The following PCDH15 variants were observed in gnomAD, a reference collection of about 807,000 sequenced individuals.
PCDH15 encodes the protein protocadherin-15.
In PCDH15, 129 loss-of-function variants were observed where a neutral mutation model predicts 178.5. That is an observed-to-expected ratio of 0.72 (90% confidence interval 0.63 to 0.84). The LOEUF is 0.84. Among genes scored for constraint, PCDH15 ranks in the 40% least tolerant of loss-of-function variants. The pLI, the probability that PCDH15 is intolerant of heterozygous loss-of-function variation, is 0.00. For missense variants in PCDH15, 2,230 were observed against 2,099.9 expected (o/e 1.06, Z -1.21); for synonymous variants, 800 against 732.0 (o/e 1.09, Z -1.50).
intron 3 of PCDH15, among the ~76,000 whole-genome samples, chr10:54,505,490 TC>T (rs1469113173): frequency 6.6e-6 from 1 of 152,094 alleles, no homozygotes; most frequent in Non-Finnish European, 1.5e-5. Context: ...CAAATACAAT[TC>T]AAATAACTTT....
In PCDH15 at chr10:53,806,645, C is replaced by T. The variant is rs1010533495; in HGVS notation, c.5157G>A (p.Gln1719=). ...CCATCCAAAGCTCTTCATCATCAGA[C>T]TGTGTGTGGTCACTATGAAATTCCA... ...EALEFHSDHT[Q]SDDEELWMGP... is the part of the protein sequence containing the mutation. The change falls in exon 38 of 38, where the codon CAG becomes CAA. Residue 1719 remains glutamine, a synonymous_variant. Transcript: ENST00000644397. 8 of 1,613,622 alleles carry T rather than the reference C, an allele frequency of 5.0e-6. No homozygotes were observed. Among genetic ancestry groups the T allele is most frequent in the African/African-American group, 2.7e-5 (2 of 74,892 alleles).
At chr10:54,150,067 T>C (rs902789264) in intron 14 of PCDH15, among the ~76,000 whole-genome samples, 5 of 152,100 alleles carry the variant, frequency 3.3e-5, no homozygotes, top group African/African-American at 9.7e-5. Context: ...TTGAAATGAA[T>C]GTCAGGCATG....
intron 2 of PCDH15, among the ~76,000 whole-genome samples, chr10:55,354,724 TTGG>T (rs1485276544): frequency 6.6e-6 from 1 of 152,056 alleles, no homozygotes; most frequent in Non-Finnish European, 1.5e-5. Flanking sequence ...AGCTTTTTGG[TTGG>T]TGATTTTGTT....
At chr10:53,843,426 CAAAG>C (rs1485513032) in intron 28 of PCDH15, among the ~76,000 whole-genome samples, 2 of 151,848 alleles carry the variant, frequency 1.3e-5, no homozygotes, top group South Asian at 2.1e-4. Context: ...CCCACACACA[CAAAG>C]AAAAAGAGAT....
chr10:55,298,097 C>T (rs939520431), intron 1 of PCDH15, among the ~76,000 whole-genome samples: 2 of 152,168 alleles, frequency 1.3e-5, no homozygotes, highest in African/African-American at 4.8e-5. Context: ...GATTTCAACA[C>T]TTCACTCTTA....
At chr10:55,506,528 G>T (rs1016409329) in intron 2 of PCDH15, among the ~76,000 whole-genome samples, 4 of 151,380 alleles carry the variant, frequency 2.6e-5, no homozygotes, top group African/African-American at 4.8e-5. Context: ...AATACCAAAG[G>T]GTTCACAACT....
chr10:55,104,229 C>A (rs1373404702), intron 2 of PCDH15, among the ~76,000 whole-genome samples: 1 of 151,854 alleles, frequency 6.6e-6, no homozygotes. Flanking sequence ...CTTTCTTATG[C>A]ATTAAAAACC....
intron 2 of PCDH15, among the ~76,000 whole-genome samples, chr10:54,953,077 T>C (rs755693417): frequency 3.3e-5 from 5 of 151,604 alleles, no homozygotes; most frequent in African/African-American, 4.8e-5. Context: ...TTCATCTTCA[T>C]GTGAACGCAC....
intron 13 of PCDH15, among the ~76,000 whole-genome samples, chr10:54,175,278 A>T (rs2047331979): frequency 6.6e-6 from 1 of 152,186 alleles, no homozygotes; most frequent in Non-Finnish European, 1.5e-5. Flanking sequence ...GTGTGAAATA[A>T]ATTGTCAAGA....
chr10:54,744,930 TTGTG>T (rs575190359), intron 1 of PCDH15, among the ~76,000 whole-genome samples: 1 of 150,624 alleles, frequency 6.6e-6, no homozygotes, highest in Non-Finnish European at 1.5e-5. Context: ...TACAGACATT[TTGTG>T]TGTGTGTGTG....
intron 14 of PCDH15, among the ~76,000 whole-genome samples, chr10:54,135,215 A>G (rs1448911751): frequency 6.7e-6 from 1 of 149,192 alleles, no homozygotes; most frequent in African/African-American, 2.4e-5. Flanking sequence ...AAAAAAAAAA[A>G]AATTTCATGC....
intron 23 of PCDH15, among the ~76,000 whole-genome samples, chr10:53,941,393 C>A (rs1439809697): frequency 1.3e-5 from 2 of 152,112 alleles, no homozygotes; most frequent in East Asian, 3.9e-4. Context: ...TTTGCCTTTT[C>A]CAGAATGTTG....
intron 3 of PCDH15, among the ~76,000 whole-genome samples, chr10:54,459,755 C>G (rs1004300624): frequency 6.6e-6 from 1 of 152,094 alleles, no homozygotes; most frequent in African/African-American, 2.4e-5. Flanking sequence ...TTCCAGTGCT[C>G]AGATGAAGGA....
At chr10:54,153,978 T>C (rs2044829875) in intron 13 of PCDH15, among the ~76,000 whole-genome samples, 1 of 152,156 alleles carries the variant, frequency 6.6e-6, no homozygotes, top group Non-Finnish European at 1.5e-5. Flanking sequence ...GAAAATCTAT[T>C]CGGAGCCCTT....
Position 54,299,392 on chromosome 10 carries a change from G to A in PCDH15, c.876+17879C>T, listed in dbSNP as rs552241612. Among the ~76,000 whole-genome samples the A allele has an allele frequency of 4.6e-5, 7 of 151,746 alleles. No homozygotes were observed. The South Asian group carries it at 1.5e-3, about 32-fold the overall frequency. On this transcript the variant is annotated intron_variant, in intron 8 of 37. Transcript: ENST00000644397. ...AGAGAGAAAGAGGGAGATAGAAGTA[G>A]TAAAGAAAAAACAGTGTACCCTATT...
At chr10:55,307,396 G>A (rs969402618) in intron 1 of PCDH15, among the ~76,000 whole-genome samples, 2 of 151,546 alleles carry the variant, frequency 1.3e-5, no homozygotes, top group Non-Finnish European at 2.9e-5. Flanking sequence ...CCAGCTACTC[G>A]GGAGGCTGAG....
intron 2 of PCDH15, among the ~76,000 whole-genome samples, chr10:55,590,106 A>C (rs1276464222): frequency 3.3e-5 from 5 of 151,358 alleles, no homozygotes; most frequent in African/African-American, 1.2e-4. Context: ...AATGTGGCAC[A>C]TATACACCAT....
chr10:55,354,085 A>G (rs537564270), intron 2 of PCDH15, among the ~76,000 whole-genome samples: 2 of 152,216 alleles, frequency 1.3e-5, no homozygotes, highest in Non-Finnish European at 2.9e-5. Context: ...GGAAACCAAG[A>G]ATAGAGTTGG....
At chr10:54,090,205 C>T in intron 15 of PCDH15, 142 bp from the exon 16 acceptor site, 1 of 688,172 alleles carries the variant, frequency 1.5e-6, no homozygotes, top group Non-Finnish European at 2.5e-6. Flanking sequence ...GGCCTAATGG[C>T]AAGGTGTAAA....
Sources: gnomAD v4.1 joint callset for allele counts (sites outside exome capture counted in the v4.1 genomes callset) on GRCh38, gnomAD v4.1.1 for gene constraint, MANE v1.5 for transcripts, NCBI Gene and HGNC (gene_info 2026-07-23, HGNC 2026-07-21) for gene names.